Variants in ZDHHC3 observed in about 807,000 individuals in gnomAD.
The protein encoded by ZDHHC3 is palmitoyltransferase ZDHHC3.
ZDHHC3 carries 9 observed loss-of-function variants against 30.6 expected under a neutral mutation model. The observed-to-expected ratio is 0.29, with a 90% CI of 0.18 to 0.51. The LOEUF (loss-of-function observed/expected upper bound fraction) is 0.51, where lower values mean the gene tolerates loss of function less well. Among genes scored for constraint, ZDHHC3 ranks in the 20% least tolerant of loss-of-function variants. The probability of loss-of-function intolerance (pLI) is 0.97; values close to 1 mark genes in which losing one functional copy is unlikely to be tolerated. For synonymous variants in ZDHHC3, 136 were observed against 140.2 expected, an observed-to-expected ratio of 0.97 and a Z score of 0.21; for missense variants, 246 against 384.2, an observed-to-expected ratio of 0.64 and a Z score of 3.01.
chr3:44,970,292 C>T (rs1705304251), intron 1 of ZDHHC3, among the ~76,000 whole-genome samples: 1 of 152,226 alleles, frequency 6.6e-6, no homozygotes, highest in Non-Finnish European at 1.5e-5. Context: ...AACACAGCCC[C>T]TGCTTACCTG....
At chr3:44,948,162 G>A (rs1475921539) in intron 2 of ZDHHC3, among the ~76,000 whole-genome samples, 1 of 152,220 alleles carries the variant, frequency 6.6e-6, no homozygotes, top group Non-Finnish European at 1.5e-5. Context: ...TGTGCCCAGA[G>A]TGAAAGTACA....
Position 44,929,074 on chromosome 3 carries a change from C to T in ZDHHC3, c.741+232G>A, listed in dbSNP as rs554634224. Among the ~76,000 whole-genome samples the T allele has an allele frequency of 7.9e-5, 12 of 152,340 alleles. No individual in the cohort carries two copies. In the South Asian group the frequency reaches 8.3e-4, roughly 11 times the overall value. On this transcript the variant is annotated intron_variant, in intron 6 of 6. Coordinates refer to ENST00000424952, the MANE Select transcript of ZDHHC3 (RefSeq NM_001135179.2). ...TGTGGTAAAGGCAGCCTTTCAGCCA[C>T]GGCTGCTGGGCCGCACTCCTGGTGT...
Position 44,924,458 on chromosome 3 carries a change from A to G in ZDHHC3, c.*2231T>C. On this transcript the variant is annotated 3_prime_UTR_variant, in exon 7 of 7. Coordinates refer to ENST00000424952, the MANE Select transcript of ZDHHC3 (RefSeq NM_001135179.2). ...GACTCTTTCTAGCCAAGGCCTATAC[A>G]AAACCAGAGGCAGAATCCTATAGGA... 1 of 985,484 alleles carries G rather than the reference A, an allele frequency of 1.0e-6. No homozygotes were observed. Among genetic ancestry groups the G allele is most frequent in the Non-Finnish European group, 1.2e-6 (1 of 829,932 alleles). The allele number at this position is 985,484 out of a possible 1,614,324, so 61.0% of individuals were successfully genotyped here.
chr3:44,918,119 T>C lies in ZDHHC3; in HGVS notation c.*8570A>G. On this transcript the variant is annotated 3_prime_UTR_variant, in exon 7 of 7. Transcript: ENST00000424952. ...CTCCCCATGTGCTCCCTGGGCTGGT[T>C]CTTTCGTTTGAGGCGCTCGATGCCC... The C allele has an allele frequency of 7.7e-7, 1 of 1,305,196 alleles. No homozygotes were observed. The highest frequency in any genetic ancestry group is 1.0e-6 in the Non-Finnish European group (1 of 988,758). 80.9% of individuals were successfully genotyped at this position (1,305,196 alleles called of 1,614,324 possible). A position where few individuals can be genotyped will look rare whatever the true frequency, so the allele number is the denominator to read the frequency against.
intron 4 of ZDHHC3, chr3:44,933,468 G>C (rs1245781408): frequency 3.5e-6 from 2 of 573,620 alleles, no homozygotes; most frequent in Non-Finnish European, 6.2e-6. Context: ...CAGGCAGTAT[G>C]AGCTGCCTGG....
intron 5 of ZDHHC3, among the ~76,000 whole-genome samples, chr3:44,930,413 C>T (rs551325703): frequency 6.6e-6 from 1 of 152,192 alleles, no homozygotes; most frequent in East Asian, 1.9e-4. Context: ...GCACTCTTCA[C>T]CTAAGGACTT....
intron 2 of ZDHHC3, among the ~76,000 whole-genome samples, chr3:44,954,839 G>A (rs1258415458): frequency 6.6e-6 from 1 of 152,088 alleles, no homozygotes; most frequent in African/African-American, 2.4e-5. Flanking sequence ...CAGGATTCCT[G>A]AGGGAGCTCA....
intron 2 of ZDHHC3, among the ~76,000 whole-genome samples, chr3:44,945,585 C>T (rs1434335497): frequency 1.3e-5 from 2 of 151,938 alleles, no homozygotes; most frequent in Non-Finnish European, 2.9e-5. Context: ...CAGAGTCTTG[C>T]TCTGTCGCCC....
At chr3:44,934,868 GACA>G (rs1701812240) in intron 3 of ZDHHC3, among the ~76,000 whole-genome samples, 1 of 125,216 alleles carries the variant, frequency 8.0e-6, no homozygotes, top group Non-Finnish European at 1.6e-5. Flanking sequence ...CCCTAGCCTG[GACA>G]ACAAGAGCAA....
Position 44,920,075 on chromosome 3 carries a change from T to C in ZDHHC3, c.*6614A>G, listed in dbSNP as rs978571061. 5.9e-6 allele frequency: 7 copies of C among 1,188,120 alleles called. No homozygotes were observed. Among genetic ancestry groups the C allele is most frequent in the Non-Finnish European group, 7.5e-6 (7 of 937,450 alleles). 73.6% of individuals were successfully genotyped at this position (1,188,120 alleles called of 1,614,324 possible). A position where few individuals can be genotyped will look rare whatever the true frequency, so the allele number is the denominator to read the frequency against. ...TGGAATTCTAGAGGATTTGTATTTA[T>C]TTCTGTAGACTTCTCACACAATCCA... On this transcript the variant is annotated 3_prime_UTR_variant, in exon 7 of 7. Coordinates refer to ENST00000424952, the MANE Select transcript of ZDHHC3 (RefSeq NM_001135179.2).
chr3:44,922,404 A>C lies in ZDHHC3; in HGVS notation c.*4285T>G. 1.0e-6 allele frequency: 1 copy of C among 985,370 alleles called. No individual in the cohort carries two copies. The highest frequency in any genetic ancestry group is 1.2e-6 in the Non-Finnish European group (1 of 829,920). 61.0% of individuals were successfully genotyped at this position (985,370 alleles called of 1,614,324 possible). A position where few individuals can be genotyped will look rare whatever the true frequency, so the allele number is the denominator to read the frequency against. ...CTTGGTCTAGAGATGGGTTCCACTG[A>C]TGAGATGCACAAGGAGTGGTGGGCA... On this transcript the variant is annotated 3_prime_UTR_variant, in exon 7 of 7. Transcript: ENST00000424952.
rs952543211 is a variant in ZDHHC3 at position 44,921,426 on chromosome 3, A to G, written c.*5263T>C. On this transcript the variant is annotated 3_prime_UTR_variant, in exon 7 of 7. Coordinates refer to ENST00000424952, the MANE Select transcript of ZDHHC3 (RefSeq NM_001135179.2). ...TCATACCTCTATATTGTAACCCACA[A>G]GAGGAAACATTTTTCTGTTGCATTC... The G allele has an allele frequency of 2.0e-6, 2 of 985,350 alleles. No homozygotes were observed. The highest frequency in any genetic ancestry group is 1.7e-5 in the African/African-American group (1 of 57,242). 61.0% of individuals were successfully genotyped at this position (985,350 alleles called of 1,614,324 possible).
rs1700349397 is a variant in ZDHHC3, at chr3:44,918,340, G to A, written c.*8349C>T. ...AGGTCCCTCAGAGGACTGCTGGGGT[G>A]TGGGTGGACAGCAGCGTGGAGGAAC... On this transcript the variant is annotated 3_prime_UTR_variant, in exon 7 of 7. Transcript: ENST00000424952. The A allele has an allele frequency of 2.0e-6, 2 of 985,418 alleles. No homozygotes were observed. Among genetic ancestry groups the A allele is most frequent in the African/African-American group, 1.7e-5 (1 of 57,352 alleles). 61.0% of individuals were successfully genotyped at this position (985,418 alleles called of 1,614,324 possible).
chr3:44,934,108 G>T, intron 3 of ZDHHC3, 124 bp from the exon 4 acceptor site: 1 of 898,862 alleles, frequency 1.1e-6, no homozygotes, highest in Non-Finnish European at 1.8e-6. Flanking sequence ...CACTGCCAGG[G>T]GTTTTGCTGG....
In ZDHHC3 at chr3:44,920,912, C is replaced by T. The variant is rs768126160; in HGVS notation, c.*5777G>A. ...AGAAAGAAAATATTGCAAACAAATC[C>T]GATGTATAAAAATGGGCTGAGGGCT... On this transcript the variant is annotated 3_prime_UTR_variant, in exon 7 of 7. Coordinates refer to ENST00000424952, the MANE Select transcript of ZDHHC3 (RefSeq NM_001135179.2). The T allele has an allele frequency of 7.9e-5, 78 of 985,308 alleles. No homozygotes were observed. The highest frequency in any genetic ancestry group is 8.8e-5 in the Non-Finnish European group (73 of 829,912). The allele number at this position is 985,308 out of a possible 1,614,324, so 61.0% of individuals were successfully genotyped here. A position where few individuals can be genotyped will look rare whatever the true frequency, so the allele number is the denominator to read the frequency against.
At chr3:44,953,516 C>G (rs1207898063) in intron 2 of ZDHHC3, among the ~76,000 whole-genome samples, 2 of 152,166 alleles carry the variant, frequency 1.3e-5, no homozygotes, top group East Asian at 1.9e-4. Flanking sequence ...AACATTCCAT[C>G]CATTTCAAGC....
At chr3:44,970,549 T>A (rs182072054) in intron 1 of ZDHHC3, among the ~76,000 whole-genome samples, 39 of 152,376 alleles carry the variant, frequency 2.6e-4, no homozygotes, top group African/African-American at 9.4e-4. Flanking sequence ...CTATGAGTCC[T>A]CTGTTCTCAG....
At position 44,925,772 on chromosome 3, in the gene ZDHHC3, G is replaced by A. The variant is rs1281589778; in HGVS notation, c.*917C>T. 2 of 985,762 alleles carry A rather than the reference G, an allele frequency of 2.0e-6. No individual in the cohort carries two copies. Among genetic ancestry groups the A allele is most frequent in the Non-Finnish European group, 2.4e-6 (2 of 829,962 alleles). 61.1% of individuals were successfully genotyped at this position (985,762 alleles called of 1,614,324 possible). A position where few individuals can be genotyped will look rare whatever the true frequency, so the allele number is the denominator to read the frequency against. ...TTTATAAAATGAGAAGGGGATGATG[G>A]TGGGGCTGTATGTGTTGGGCACTGG... On this transcript the variant is annotated 3_prime_UTR_variant, in exon 7 of 7. Transcript: ENST00000424952.
chr3:44,954,838 T>C (rs1424460813), intron 2 of ZDHHC3, among the ~76,000 whole-genome samples: 4 of 152,036 alleles, frequency 2.6e-5, no homozygotes, highest in Non-Finnish European at 5.9e-5. Flanking sequence ...TCAGGATTCC[T>C]GAGGGAGCTC....
Sources: allele counts gnomAD v4.1 joint callset (sites outside exome capture counted in the v4.1 genomes callset), GRCh38; gene constraint gnomAD v4.1.1; transcripts MANE v1.5; gene names NCBI Gene and HGNC (gene_info 2026-07-23, HGNC 2026-07-21).